Variants in KCNG3 observed in about 807,000 individuals in gnomAD.
KCNG3 encodes the protein potassium voltage-gated channel modifier subfamily G member 3.
In KCNG3, 15 loss-of-function variants were observed where a neutral mutation model predicts 29.0. That is an observed-to-expected ratio of 0.52 (90% CI 0.35 to 0.80). The LOEUF is 0.80. KCNG3 is among the 30% of genes least tolerant of loss of function. The probability of loss-of-function intolerance (pLI) is 0.01; values close to 1 mark genes in which losing one functional copy is unlikely to be tolerated. For missense variants in KCNG3, 512 were observed against 605.7 expected, an observed-to-expected ratio of 0.85 and a Z score of 1.62; for synonymous variants, 322 against 248.9, an observed-to-expected ratio of 1.29 and a Z score of -2.76.
chr2:42,477,021 T>C (rs1217897101), intron 1 of KCNG3, among the ~76,000 whole-genome samples: 5 of 143,570 alleles, frequency 3.5e-5, no homozygotes, highest in African/African-American at 1.3e-4. Context: ...CCGTCTCTAC[T>C]AAAAAATATA....
At chr2:42,391,930 G>A in the KCNG3 span, among the ~76,000 whole-genome samples, 1 of 152,204 alleles carries the variant, frequency 6.6e-6, no homozygotes, top group African/African-American at 2.4e-5. Context: ...TGTCTTTGAT[G>A]AATTCCATCA....
Position 42,493,430 on chromosome 2 carries a change from C to T in KCNG3, c.72G>A (p.Arg24=), listed in dbSNP as rs1045570814. ...GCAGCGGGAAGTCCTTCAGCAGCTC[C>T]CGGGACAGCGAATACCGGGCGCCGC... The part of the protein sequence containing the change: ...NVGGARYSLS[R]ELLKDFPLRR... Residue 24 remains arginine, a synonymous_variant, in exon 1 of 2, where the codon CGG becomes CGA. Coordinates refer to ENST00000306078, the MANE Select transcript of KCNG3 (RefSeq NM_133329.6). The T allele has an allele frequency of 3.4e-6, 5 of 1,488,040 alleles. No individual in the cohort carries two copies. Among genetic ancestry groups the T allele is most frequent in the Admixed American group, 4.6e-5 (2 of 43,340 alleles). 92.2% of individuals were successfully genotyped at this position (1,488,040 alleles called of 1,614,324 possible). A position where few individuals can be genotyped will look rare whatever the true frequency, so the allele number is the denominator to read the frequency against.
At chr2:42,446,336 CT>C (rs1672597314) in intron 1 of KCNG3, among the ~76,000 whole-genome samples, 1 of 151,618 alleles carries the variant, frequency 6.6e-6, no homozygotes, top group African/African-American at 2.4e-5. Context: ...GCGATCACGC[CT>C]GGCTAATTTT....
At chr2:42,392,584 C>T in the KCNG3 span, among the ~76,000 whole-genome samples, 2 of 152,094 alleles carry the variant, frequency 1.3e-5, no homozygotes, top group Non-Finnish European at 2.9e-5. Flanking sequence ...AAAGAGAAGG[C>T]TTTAGTTGGG....
chr2:42,414,568 T>C, the KCNG3 span, among the ~76,000 whole-genome samples: 1 of 151,500 alleles, frequency 6.6e-6, no homozygotes, highest in African/African-American at 2.4e-5. Flanking sequence ...TTTTTTTTTA[T>C]ATTTGTGCAG....
chr2:42,427,187 G>C, the KCNG3 span, among the ~76,000 whole-genome samples: 4 of 152,174 alleles, frequency 2.6e-5, no homozygotes, highest in African/African-American at 9.7e-5. Context: ...TAGCAAAAAT[G>C]TGCACCAAAA....
intron 1 of KCNG3, among the ~76,000 whole-genome samples, chr2:42,447,057 C>T (rs887977912): frequency 5.6e-5 from 8 of 143,712 alleles, no homozygotes; most frequent in Non-Finnish European, 1.1e-4. Flanking sequence ...GCACTCTCAC[C>T]TGTGTGACAG....
At chr2:42,464,636 G>T (rs1216530464) in intron 1 of KCNG3, among the ~76,000 whole-genome samples, 3 of 152,154 alleles carry the variant, frequency 2.0e-5, no homozygotes, top group Non-Finnish European at 4.4e-5. Flanking sequence ...CTAATGGAAA[G>T]TAACACAGTC....
At chr2:42,428,399 T>G in the KCNG3 span, among the ~76,000 whole-genome samples, 1 of 142,842 alleles carries the variant, frequency 7.0e-6, no homozygotes, top group Non-Finnish European at 1.5e-5. Flanking sequence ...AGGCAGAGGT[T>G]GCGGTGAGCC....
intron 1 of KCNG3, among the ~76,000 whole-genome samples, chr2:42,473,682 G>C (rs949247908): frequency 6.6e-6 from 1 of 151,974 alleles, no homozygotes; most frequent in Non-Finnish European, 1.5e-5. Context: ...TTCACAGATT[G>C]ATTTGTTCTG....
At chr2:42,417,011 G>A in the KCNG3 span, among the ~76,000 whole-genome samples, 1 of 152,128 alleles carries the variant, frequency 6.6e-6, no homozygotes, top group Non-Finnish European at 1.5e-5. Flanking sequence ...CACTTTGGGA[G>A]GCTGAGGTGG....
intron 1 of KCNG3, among the ~76,000 whole-genome samples, chr2:42,475,392 G>A (rs1397772393): frequency 6.7e-6 from 1 of 148,440 alleles, no homozygotes; most frequent in Non-Finnish European, 1.5e-5. Flanking sequence ...ACAGTGGTGC[G>A]ATCTTGGCTC....
the KCNG3 span, among the ~76,000 whole-genome samples, chr2:42,411,410 A>G: frequency 6.6e-6 from 1 of 152,078 alleles, no homozygotes; most frequent in African/African-American, 2.4e-5. Flanking sequence ...GCACACGCAA[A>G]GTTTTTCCAT....
At chr2:42,457,625 T>TCACACACACACA (rs1268751139) in intron 1 of KCNG3, among the ~76,000 whole-genome samples, 1 of 42,864 alleles carries the variant, frequency 2.3e-5, no homozygotes, top group East Asian at 6.9e-4. Context: ...GGCAGGCAGA[T>TCACACACACACA]CTCACACACA....
In KCNG3 at chr2:42,449,946, G is replaced by A. The variant is rs376309283; in HGVS notation, c.666-5367C>T. 7.2e-5 allele frequency among the ~76,000 whole-genome samples: 11 copies of A among 152,260 alleles called. No homozygotes were observed. The East Asian group carries it at 1.3e-3, about 19-fold the overall frequency. ...CTCTTATCTAGCCAGACACAAGCAA[G>A]GGCACTGAACTTGACATCAGAGGCT... On this transcript the variant is annotated intron_variant, in intron 1 of 1. Transcript: ENST00000306078.
At chr2:42,479,768 T>C (rs886294343) in intron 1 of KCNG3, among the ~76,000 whole-genome samples, 1 of 152,136 alleles carries the variant, frequency 6.6e-6, no homozygotes, top group Non-Finnish European at 1.5e-5. Context: ...CCCAGCACTT[T>C]GGGAGGCCAA....
At position 42,443,895 on chromosome 2, in the gene KCNG3, C is replaced by G; in HGVS notation, c.*39G>C. ...CATAAATATGAAGCAGCATCAAAGT[C>G]TTTCTATGAAGTGTATGCAAGAATT... On this transcript the variant is annotated 3_prime_UTR_variant, in exon 2 of 2. Coordinates refer to ENST00000306078, the MANE Select transcript of KCNG3 (RefSeq NM_133329.6). The G allele has an allele frequency of 6.5e-7, 1 of 1,545,696 alleles. No homozygotes were observed. The highest frequency in any genetic ancestry group is 8.8e-7 in the Non-Finnish European group (1 of 1,142,046).
chr2:42,460,470 C>T lies in KCNG3; in HGVS notation c.666-15891G>A, dbSNP rs796313381. ...TAGCAAAGGGTAAGATATACCCTCC[C>T]TAACAACAATCCAATCCTTAAGAAC... On this transcript the variant is annotated intron_variant, in intron 1 of 1. Coordinates refer to ENST00000306078, the MANE Select transcript of KCNG3 (RefSeq NM_133329.6). Among the ~76,000 whole-genome samples, 4 of 152,212 alleles carry T rather than the reference C, an allele frequency of 2.6e-5. 1 individual carries two copies. Among genetic ancestry groups the T allele is most frequent in the African/African-American group, 9.6e-5 (4 of 41,536 alleles).
Position 42,493,851 on chromosome 2 carries a change from C to CGGGGCCGACCCCCTGAGGGCTGCG in KCNG3, c.-374_-351dup, listed in dbSNP as rs1673996177. The CGGGGCCGACCCCCTGAGGGCTGCG allele has an allele frequency of 5.0e-6, 1 of 199,268 alleles. No individual in the cohort carries two copies. Among genetic ancestry groups the CGGGGCCGACCCCCTGAGGGCTGCG allele is most frequent in the South Asian group, 1.9e-4 (1 of 5,308 alleles). The allele number at this position is 199,268 out of a possible 1,614,324, so 12.3% of individuals were successfully genotyped here. ...GGCCGCGGTGCCCTCTCCCAAGCCGCGGGGCCGACCCCCTGAGGGCTGCGG... is the reference window on the plus strand; with the variant it reads ...GGCCGCGGTGCCCTCTCCCAAGCCGCGGGGCCGACCCCCTGAGGGCTGCGGGGGCCGACCCCCTGAGGGCTGCGG... On this transcript the variant is annotated 5_prime_UTR_variant, in exon 1 of 2. Transcript: ENST00000306078.
Sources: gnomAD v4.1 joint callset for allele counts (sites outside exome capture counted in the v4.1 genomes callset) on GRCh38, gnomAD v4.1.1 for gene constraint, MANE v1.5 for transcripts, NCBI Gene and HGNC (gene_info 2026-07-23, HGNC 2026-07-21) for gene names.